Variants in SLC14A2 observed in about 807,000 individuals in gnomAD.
SLC14A2 encodes urea transporter 2.
SLC14A2 carries 91 observed loss-of-function variants against 104.6 expected under a neutral mutation model. The ratio of observed to expected loss-of-function variants is 0.87; its 90% confidence interval spans 0.73 to 1.04. The LOEUF is 1.04. Among genes scored for constraint, SLC14A2 ranks in the 50% least tolerant of loss-of-function variants. SLC14A2 has a pLI of 0.00. For synonymous variants in SLC14A2, 476 were observed against 466.4 expected (o/e 1.02, Z -0.27); for missense variants, 1,189 against 1,156.0 (o/e 1.03, Z -0.41).
chr18:45,642,605 C>T (rs999704327), intron 8 of SLC14A2, among the ~76,000 whole-genome samples: 6 of 152,244 alleles, frequency 3.9e-5, no homozygotes, highest in Admixed American at 3.9e-4. Context: ...CAGGACCCAG[C>T]TCCCATGGGG....
intron 1 of SLC14A2, among the ~76,000 whole-genome samples, chr18:45,463,161 C>A (rs2087076549): frequency 6.6e-6 from 1 of 152,190 alleles, no homozygotes; most frequent in Non-Finnish European, 1.5e-5. Flanking sequence ...TTCCATGAAC[C>A]AGGGACCATG....
chr18:45,593,878 A>T lies in SLC14A2; in HGVS notation c.-34-30753A>T, dbSNP rs192853196. Among the ~76,000 whole-genome samples, 120 of 152,264 alleles carry T rather than the reference A, an allele frequency of 7.9e-4. 2 individuals carry two copies. The Middle Eastern group carries it at 0.01, about 13-fold the overall frequency. On this transcript the variant is annotated intron_variant, in intron 2 of 20. Transcript: ENST00000586448. ...TGATCTCTAGTATTCGAGCTAAGTAAAAAATATACAATACAACTCTTAAGA... is the reference window on the plus strand; with the variant it reads ...TGATCTCTAGTATTCGAGCTAAGTATAAAATATACAATACAACTCTTAAGA...
At chr18:45,459,158 C>G (rs1028556810) in intron 1 of SLC14A2, among the ~76,000 whole-genome samples, 1 of 152,162 alleles carries the variant, frequency 6.6e-6, no homozygotes, top group Non-Finnish European at 1.5e-5. Flanking sequence ...ACCAGCCAAG[C>G]TTGGAGATAG....
At chr18:45,558,725 T>A (rs1029245108) in intron 2 of SLC14A2, among the ~76,000 whole-genome samples, 2 of 152,192 alleles carry the variant, frequency 1.3e-5, no homozygotes, top group Admixed American at 1.3e-4. Context: ...TGACCATAGA[T>A]ACCAAGGGAC....
chr18:45,625,928 G>C, intron 3 of SLC14A2, 65 bp downstream of exon 3: 1 of 1,250,076 alleles, frequency 8.0e-7, no homozygotes, highest in Non-Finnish European at 1.0e-6. Context: ...CCCTCTCTCC[G>C]GTTTGGTCCA....
intron 2 of SLC14A2, among the ~76,000 whole-genome samples, chr18:45,548,923 T>C (rs67098829): frequency 0.17 from 26,020 of 152,112 alleles, 2,443 homozygotes; most frequent in Non-Finnish European, 0.21. Flanking sequence ...GGATGGCATG[T>C]TGGAGCATCT....
intron 1 of SLC14A2, among the ~76,000 whole-genome samples, chr18:45,439,850 G>A (rs1436462867): frequency 6.6e-6 from 1 of 152,108 alleles, no homozygotes; most frequent in African/African-American, 2.4e-5. Context: ...TTTTACACCT[G>A]GAAAGTCTTC....
At chr18:45,330,580 C>T (rs2085279986) in intron 1 of SLC14A2, among the ~76,000 whole-genome samples, 1 of 152,144 alleles carries the variant, frequency 6.6e-6, no homozygotes, top group Non-Finnish European at 1.5e-5. Context: ...CCCAAATAGC[C>T]CACAGGAACA....
At chr18:45,209,199 A>T (rs925328152), upstream of SLC14A2, among the ~76,000 whole-genome samples, 4 of 146,692 alleles carry the variant, frequency 2.7e-5, no homozygotes. Flanking sequence ...AAAAAAAAAA[A>T]TCAGGTGGTG....
intron 10 of SLC14A2, among the ~76,000 whole-genome samples, chr18:45,645,622 T>TATATATATAC (rs370081713): frequency 1.5e-5 from 2 of 134,862 alleles, no homozygotes; most frequent in Non-Finnish European, 3.2e-5. Flanking sequence ...AATATATATA[T>TATATATATAC]ACATATACAA....
At chr18:45,500,398 A>C (rs1380689045) in intron 2 of SLC14A2, among the ~76,000 whole-genome samples, 1 of 152,082 alleles carries the variant, frequency 6.6e-6, no homozygotes, top group Non-Finnish European at 1.5e-5. Context: ...TAACACGGTG[A>C]AACCCCGTCT....
rs1178790526 is a variant in SLC14A2 at position 45,628,400 on chromosome 18, C to T, written c.521+1253C>T. Among the ~76,000 whole-genome samples, 7 of 150,012 alleles carry T rather than the reference C, an allele frequency of 4.7e-5. No individual in the cohort carries two copies. The East Asian group carries it at 1.4e-3, about 29-fold the overall frequency. ...CGGAGGTTGCAGTTAGCCGAGATCG[C>T]ACCACTACACTCCAGCCTGGTGACA... On this transcript the variant is annotated intron_variant, in intron 4 of 19. Transcript: ENST00000255226.
chr18:45,354,953 A>C (rs1259677831), intron 1 of SLC14A2, among the ~76,000 whole-genome samples: 2 of 152,224 alleles, frequency 1.3e-5, no homozygotes, highest in African/African-American at 4.8e-5. Context: ...TGTTTTAAGA[A>C]GTATGATATC....
chr18:45,281,017 C>A (rs144883618), intron 1 of SLC14A2, among the ~76,000 whole-genome samples: 78 of 152,258 alleles, frequency 5.1e-4, no homozygotes, highest in Non-Finnish European at 3.7e-4. Context: ...CAAGCCCCAC[C>A]AAGCAGCCCC....
intron 2 of SLC14A2, among the ~76,000 whole-genome samples, chr18:45,534,529 T>C (rs138290978): frequency 2.8e-4 from 43 of 152,266 alleles, no homozygotes; most frequent in African/African-American, 1.0e-3. Context: ...CAAGGCCTCG[T>C]AAATTTAATC....
At position 45,240,170 on chromosome 18, in the gene SLC14A2, C is replaced by T. The variant is rs1238354312; in HGVS notation, c.-125+26979C>T. On this transcript the variant is annotated intron_variant, in intron 1 of 20. Transcript: ENST00000586448. ...GGAGTACAGTGGTGCAATCTCGGCT[C>T]ACTGCAACCTCTGCCTCCTGGGTTC... is the stretch of plus-strand genomic sequence containing the variant. Among the ~76,000 whole-genome samples, 13 of 142,792 alleles carry T rather than the reference C, an allele frequency of 9.1e-5. No homozygotes were observed. In the East Asian group the frequency reaches 2.7e-3, roughly 30 times the overall value. 93.7% of individuals were successfully genotyped at this position (142,792 alleles called of 152,430 possible).
chr18:45,380,600 G>A (rs1662113429), intron 1 of SLC14A2, among the ~76,000 whole-genome samples: 1 of 152,144 alleles, frequency 6.6e-6, no homozygotes, highest in South Asian at 2.1e-4. Context: ...CCAAGAGAGG[G>A]TATGTTTGAT....
intron 1 of SLC14A2, among the ~76,000 whole-genome samples, chr18:45,342,591 A>G (rs2085407114): frequency 6.6e-6 from 1 of 152,216 alleles, no homozygotes; most frequent in South Asian, 2.1e-4. Flanking sequence ...AACTCAGAGC[A>G]ACCAGATGAA....
At chr18:45,467,483 A>G (rs1332765528) in intron 1 of SLC14A2, among the ~76,000 whole-genome samples, 1 of 152,196 alleles carries the variant, frequency 6.6e-6, no homozygotes, top group Non-Finnish European at 1.5e-5. Context: ...CTCACAGAGA[A>G]GGACTCTGAC....
Sources: gnomAD v4.1 joint callset for allele counts (sites outside exome capture counted in the v4.1 genomes callset) on GRCh38, gnomAD v4.1.1 for gene constraint, MANE v1.5 for transcripts, NCBI Gene and HGNC (gene_info 2026-07-23, HGNC 2026-07-21) for gene names.